CP: variants seen among roughly 807,000 people sequenced by gnomAD.
The protein encoded by CP is ceruloplasmin.
A neutral mutation model predicts 122.4 loss-of-function variants in CP; 64 were observed. That is an observed-to-expected ratio of 0.52 (90% CI 0.43 to 0.64). The LOEUF (loss-of-function observed/expected upper bound fraction) is 0.64, where lower values mean the gene tolerates loss of function less well. Among genes scored for constraint, CP ranks in the 30% least tolerant of loss-of-function variants. The probability of loss-of-function intolerance (pLI) is 0.00; values close to 1 mark genes in which losing one functional copy is unlikely to be tolerated. For missense variants in CP, 1,167 were observed against 1,284.4 expected (o/e 0.91, Z 1.40); for synonymous variants, 440 against 436.4 (o/e 1.01, Z -0.10).
At chr3:149,169,979 G>A (rs935540530), downstream of CP, among the ~76,000 whole-genome samples, 9 of 152,222 alleles carry the variant, frequency 5.9e-5, no homozygotes, top group African/African-American at 2.2e-4. Flanking sequence ...GCTGGTGAGT[G>A]GAGTAGAGCA....
At position 149,199,801 on chromosome 3, in the gene CP, T is replaced by TCA; in HGVS notation, c.1411_1412insTG (p.Tyr471LeufsTer11). Reference sequence around the variant, plus strand: ...CCCAATCGGCTCAATACTGAGGGGATATGCTCCTTTGTTATGGAAGGTTAC... The same window carrying TCA: ...CCCAATCGGCTCAATACTGAGGGGATCAATGCTCCTTTGTTATGGAAGGTTAC... On this transcript the variant is annotated frameshift_variant, in exon 8 of 19. Coordinates refer to ENST00000264613, the MANE Select transcript of CP (RefSeq NM_000096.4). LOFTEE classifies it high-confidence loss of function. The TCA allele has an allele frequency of 6.2e-7, 1 of 1,614,166 alleles. No homozygotes were observed. Among genetic ancestry groups the TCA allele is most frequent in the Non-Finnish European group, 8.5e-7 (1 of 1,179,992 alleles).
At chr3:149,215,148 C>T (rs1728381717) in intron 1 of CP, among the ~76,000 whole-genome samples, 1 of 152,180 alleles carries the variant, frequency 6.6e-6, no homozygotes, top group Non-Finnish European at 1.5e-5. Flanking sequence ...AAAGTTAGCC[C>T]TCAAATTCTT....
intron 4 of CP, among the ~76,000 whole-genome samples, chr3:149,208,171 C>G (rs1452333655): frequency 1.3e-5 from 2 of 151,940 alleles, no homozygotes; most frequent in African/African-American, 4.8e-5. Flanking sequence ...AGAAGGGCAG[C>G]AGGGACAGAG....
intron 6 of CP, among the ~76,000 whole-genome samples, chr3:149,203,298 C>G (rs1323969414): frequency 6.9e-6 from 1 of 144,792 alleles, no homozygotes; most frequent in Non-Finnish European, 1.6e-5. Flanking sequence ...GAGTCTCGCT[C>G]TCTTGCCCAA....
At chr3:149,163,007 AG>A in intron 5 of CP, 3 of 792,030 alleles carry the variant, frequency 3.8e-6, no homozygotes, top group Non-Finnish European at 6.2e-6. Context: ...TTTATGCAGG[AG>A]TTAAAAATAC....
intron 3 of CP, among the ~76,000 whole-genome samples, chr3:149,209,948 A>G (rs1275033482): frequency 2.0e-5 from 3 of 152,140 alleles, no homozygotes; most frequent in Admixed American, 1.3e-4. Flanking sequence ...TATTTCTTTC[A>G]CATTACCTTC....
intron 4 of CP, chr3:149,167,262 T>G: frequency 6.3e-7 from 1 of 1,577,936 alleles, no homozygotes; most frequent in Non-Finnish European, 8.7e-7. Flanking sequence ...CAGATTATGT[T>G]TTTAGGCTTG....
Position 149,212,450 on chromosome 3 carries a change from C to G in CP, c.394+1G>C, listed in dbSNP as rs1356289621. 1 of 1,613,710 alleles carries G rather than the reference C, an allele frequency of 6.2e-7. No individual in the cohort carries two copies. Among genetic ancestry groups the G allele is most frequent in the Non-Finnish European group, 8.5e-7 (1 of 1,179,906 alleles). ...ATTCCAGCTACATGAGCTGAACTTA[C>G]CCTCATGTTCCTTATAGTAAGTTAT... On this transcript the variant is annotated splice_donor_variant, in intron 2 of 18. Coordinates refer to ENST00000264613, the MANE Select transcript of CP (RefSeq NM_000096.4). LOFTEE classifies it high-confidence loss of function.
At chr3:149,192,116 A>G (rs1726581378) in intron 9 of CP, among the ~76,000 whole-genome samples, 1 of 152,096 alleles carries the variant, frequency 6.6e-6, no homozygotes, top group Admixed American at 6.5e-5. Context: ...AATTCTTTTC[A>G]GTAATGGATG....
chr3:149,183,692 A>T, intron 12 of CP, 87 bp from the exon 13 acceptor site: 1 of 921,414 alleles, frequency 1.1e-6, no homozygotes, highest in Non-Finnish European at 1.6e-6. Context: ...ATAAAAATAT[A>T]GTTTTTATTA....
At chr3:149,206,428 T>A (rs35334652) in intron 5 of CP, 89 bp from the exon 6 acceptor site, 104 of 1,464,430 alleles carry the variant, frequency 7.1e-5, no homozygotes, top group Non-Finnish European at 9.8e-5. Flanking sequence ...TGATGACAAG[T>A]AGAAATTGAA....
chr3:149,216,574 G>A (rs372414560), intron 1 of CP, among the ~76,000 whole-genome samples: 16 of 152,256 alleles, frequency 1.1e-4, no homozygotes, highest in African/African-American at 3.8e-4. Flanking sequence ...TCTTCTGGGA[G>A]CCACTTTGGA....
chr3:149,204,972 A>G (rs1727603669), intron 6 of CP, among the ~76,000 whole-genome samples: 1 of 152,028 alleles, frequency 6.6e-6, no homozygotes, highest in African/African-American at 2.4e-5. Flanking sequence ...AGGAATTAAT[A>G]TCCTGAATAT....
At chr3:149,213,885 A>T (rs1728280125) in intron 1 of CP, among the ~76,000 whole-genome samples, 1 of 152,150 alleles carries the variant, frequency 6.6e-6, no homozygotes, top group African/African-American at 2.4e-5. Flanking sequence ...GAATTTAAAG[A>T]TGTGGTTTTT....
Position 149,202,084 on chromosome 3 carries a change from T to C in CP, c.1348+18A>G, listed in dbSNP as rs775868452. ...ATGGGAAGAGTAAACCAGCCATATA[T>C]ATTCTGCAAGAACTCACCCAGGATG... On this transcript the variant is annotated intron_variant, in intron 7 of 18. Coordinates refer to ENST00000264613, the MANE Select transcript of CP (RefSeq NM_000096.4). 6.2e-6 allele frequency: 10 copies of C among 1,613,976 alleles called. No homozygotes were observed. In the South Asian group the frequency reaches 9.9e-5, roughly 16 times the overall value.
chr3:149,211,389 AG>A (rs1728089177), intron 2 of CP, among the ~76,000 whole-genome samples: 1 of 152,224 alleles, frequency 6.6e-6, no homozygotes, highest in South Asian at 2.1e-4. Flanking sequence ...AATTTGTCCA[AG>A]GTCACTCAAA....
chr3:149,180,452 T>C (rs1298624302), intron 14 of CP, among the ~76,000 whole-genome samples: 2 of 152,210 alleles, frequency 1.3e-5, no homozygotes, highest in African/African-American at 4.8e-5. Flanking sequence ...CCTGTGCAAC[T>C]GCTCACAGGC....
chr3:149,167,849 T>C (rs768567312), downstream of CP: 2 of 1,102,116 alleles, frequency 1.8e-6, no homozygotes, highest in South Asian at 2.5e-5. Flanking sequence ...AATCTGAGAA[T>C]AAAATGCATC....
chr3:149,199,582 G>A, intron 8 of CP, 130 bp downstream of exon 8: 4 of 1,100,472 alleles, frequency 3.6e-6, no homozygotes, highest in Non-Finnish European at 5.6e-6. Context: ...TTCCTGGCAT[G>A]ATGCCTAGAA....
Sources: allele counts gnomAD v4.1 joint callset (sites outside exome capture counted in the v4.1 genomes callset), GRCh38; gene constraint gnomAD v4.1.1; transcripts MANE v1.5; gene names NCBI Gene and HGNC (gene_info 2026-07-23, HGNC 2026-07-21).